Variants in FAM8A1 observed in about 807,000 individuals in gnomAD.
The protein encoded by FAM8A1 is family with sequence similarity 8 member A1.
In FAM8A1, 18 loss-of-function variants were observed where a neutral mutation model predicts 38.3. That is an observed-to-expected ratio of 0.47 (90% CI 0.33 to 0.70). FAM8A1 has a LOEUF of 0.70. Ranked by LOEUF, FAM8A1 falls within the 30% of genes least tolerant of loss-of-function variation. The pLI is 0.03. For missense variants in FAM8A1, 559 were observed against 559.6 expected (o/e 1.00, Z 0.01); for synonymous variants, 246 against 234.4 (o/e 1.05, Z -0.45).
Position 17,600,852 on chromosome 6 carries a change from C to T in FAM8A1, c.443C>T (p.Pro148Leu), listed in dbSNP as rs1332073942. ...GCCTACTGCAGCCCCCAGCCCTCCC[C>T]GCAGAGCTTCCCTTCGGGCGGCGCT... ...FPAYCSPQPS[P>L]QSFPSGGAAV... Residue 148 changes from proline to leucine, a missense_variant, in exon 1 of 5, where the codon CCG (proline) becomes CTG (leucine). This residue lies in a region of FAM8A1 where 393 missense variants were observed against 338.9 expected (regional missense o/e 1.16). Transcript: ENST00000259963. The T allele has an allele frequency of 2.5e-6, 4 of 1,609,440 alleles. No individual in the cohort carries two copies. The African/African-American group carries it at 5.3e-5, about 21-fold the overall frequency.
intron 1 of FAM8A1, among the ~76,000 whole-genome samples, chr6:17,601,653 G>A (rs1763987453): frequency 6.6e-6 from 1 of 152,178 alleles, no homozygotes; most frequent in African/African-American, 2.4e-5. Flanking sequence ...TTGCTTCTGT[G>A]TGTGAACTAG....
Position 17,602,585 on chromosome 6 carries a change from T to A in FAM8A1, c.713-5T>A. ...TCCTAACTTTTTTTTTTTTTTAATT[T>A]ACAGGCAGAGAATATGTTATTCCAT... On this transcript the variant is annotated splice_polypyrimidine_tract_variant and splice_region_variant and intron_variant, in intron 1 of 4. Transcript: ENST00000259963. 1 of 1,531,706 alleles carries A rather than the reference T, an allele frequency of 6.5e-7. No homozygotes were observed. The highest frequency in any genetic ancestry group is 8.7e-7 in the Non-Finnish European group (1 of 1,148,442). 94.9% of individuals were successfully genotyped at this position (1,531,706 alleles called of 1,614,324 possible). A position where few individuals can be genotyped will look rare whatever the true frequency, so the allele number is the denominator to read the frequency against.
rs778680931 is a variant in FAM8A1 at position 17,600,956 on chromosome 6, G to C, written c.547G>C (p.Ala183Pro). The C allele has an allele frequency of 6.3e-7, 1 of 1,592,402 alleles. No individual in the cohort carries two copies. Among genetic ancestry groups the C allele is most frequent in the Middle Eastern group, 1.8e-4 (1 of 5,530 alleles). Reference sequence around the variant, plus strand: ...CTTCTACTTCCTGAGCCCCGGGGCCGCGGGGCCTGACCCGCGGACAGCTGC... The same window carrying C: ...CTTCTACTTCCTGAGCCCCGGGGCCCCGGGGCCTGACCCGCGGACAGCTGC... ...NPFYFLSPGA[A>P]GPDPRTAAGI... The change falls in exon 1 of 5, where the codon GCG (alanine) becomes CCG (proline). Residue 183 changes from alanine to proline, a missense_variant. Physicochemically the swap from Ala to Pro is conservative, Grantham distance 27. Around this residue, in one of 2 missense-constraint regions of FAM8A1, gnomAD observed 393 missense variants for 338.9 expected, o/e 1.16. Transcript: ENST00000259963.
At chr6:17,606,643 A>G (rs1432228402) in intron 4 of FAM8A1, among the ~76,000 whole-genome samples, 1 of 152,088 alleles carries the variant, frequency 6.6e-6, no homozygotes, top group Non-Finnish European at 1.5e-5. Flanking sequence ...TTGAGTCTCC[A>G]TTTGGCCATG....
At chr6:17,607,274 C>G (rs2975157) in intron 4 of FAM8A1, among the ~76,000 whole-genome samples, 1 of 100,026 alleles carries the variant, frequency 1.0e-5, no homozygotes, top group East Asian at 2.2e-4. Flanking sequence ...AAAAAAAAAA[C>G]AAAACAAAAC....
Position 17,601,052 on chromosome 6 carries a change from G to C in FAM8A1, c.643G>C (p.Ala215Pro), listed in dbSNP as rs764212061. 8 of 1,595,850 alleles carry C rather than the reference G, an allele frequency of 5.0e-6. 1 individual carries two copies. The South Asian group carries it at 9.0e-5, about 18-fold the overall frequency. ...RAPHVQASVR[A>P]TPVTRVGSAA... Reference sequence around the variant, plus strand: ...TCCTCACGTGCAGGCGTCGGTCCGGGCCACTCCAGTGACGAGGGTAGGATC... The same window carrying C: ...TCCTCACGTGCAGGCGTCGGTCCGGCCCACTCCAGTGACGAGGGTAGGATC... The change falls in exon 1 of 5, where the codon GCC becomes CCC. Residue 215 changes from alanine to proline, a missense_variant. Around this residue, in one of 2 missense-constraint regions of FAM8A1, gnomAD observed 393 missense variants for 338.9 expected, o/e 1.16. Transcript: ENST00000259963.
At chr6:17,608,047 ACTATAC>A in intron 4 of FAM8A1, 142 bp from the exon 5 acceptor site, 1 of 856,732 alleles carries the variant, frequency 1.2e-6, no homozygotes, top group Non-Finnish European at 1.8e-6. Context: ...AATTCTCTCA[ACTATAC>A]CTTGAATGTC....
In FAM8A1 at chr6:17,609,996, T is replaced by TAATA. The variant is rs1415166891; in HGVS notation, c.*1659_*1662dup. 2.0e-5 allele frequency: 3 copies of TAATA among 152,172 alleles called. No homozygotes were observed. Among genetic ancestry groups the TAATA allele is most frequent in the African/African-American group, 7.2e-5 (3 of 41,448 alleles). 9.4% of individuals were successfully genotyped at this position (152,172 alleles called of 1,614,324 possible). On this transcript the variant is annotated 3_prime_UTR_variant, in exon 5 of 5. Coordinates refer to ENST00000259963, the MANE Select transcript of FAM8A1 (RefSeq NM_016255.3). The stretch of plus-strand genomic sequence containing the variant: ...GTCAAATCCAGCTTCCCAGAAACAC[T>TAATA]AATAATTAAGTACATCAATGTACTA...
rs776373035 is a variant in FAM8A1, at chr6:17,600,761, C to T, written c.352C>T (p.His118Tyr). The change falls in exon 1 of 5, where the codon CAC (histidine) becomes TAC (tyrosine). Residue 118 changes from histidine to tyrosine, a missense_variant. This residue lies in a region of FAM8A1 where 393 missense variants were observed against 338.9 expected (regional missense o/e 1.16). Transcript: ENST00000259963. ...LSAREYSRQVHEWLWQSYCGY... is the reference protein window; with the variant it reads ...LSAREYSRQVYEWLWQSYCGY... ...CGCCCGCGAGTACTCCCGGCAAGTG[C>T]ACGAGTGGCTGTGGCAGTCCTACTG... The T allele has an allele frequency of 6.2e-7, 1 of 1,610,988 alleles. No individual in the cohort carries two copies. The highest frequency in any genetic ancestry group is 2.2e-5 in the East Asian group (1 of 44,852).
In FAM8A1 at chr6:17,600,575, C is replaced by T. The variant is rs1763967194; in HGVS notation, c.166C>T (p.Pro56Ser). ...CCAGGCCCCGGGCCGGCCCACAGCC[C>T]CGGGCCTCGCGGCTGCCGCCGCAGC... is the stretch of plus-strand genomic sequence containing the variant. The part of the protein sequence containing the change: ...EPQAPGRPTA[P>S]GLAAAAAADK... Residue 56 changes from proline to serine, a missense_variant, in exon 1 of 5, where the codon CCG (proline) becomes TCG (serine). Around this residue, in one of 2 missense-constraint regions of FAM8A1, gnomAD observed 393 missense variants for 338.9 expected, o/e 1.16. Transcript: ENST00000259963. 1 of 1,495,560 alleles carries T rather than the reference C, an allele frequency of 6.7e-7. No homozygotes were observed. Among genetic ancestry groups the T allele is most frequent in the Admixed American group, 2.4e-5 (1 of 41,046 alleles). The allele number at this position is 1,495,560 out of a possible 1,614,324, so 92.6% of individuals were successfully genotyped here.
At position 17,600,522 on chromosome 6, in the gene FAM8A1, GCCCCCGCGACGA is replaced by G. The variant is rs1270236907; in HGVS notation, c.119_130del (p.Arg40_Pro43del). Reference sequence around the variant, plus strand: ...GGCCCTCCTACCACCGCCGTCCCATGCCCCCGCGACGACCCCCAGGCCGAACCCCAGGCCCCG... The same window carrying G: ...GGCCCTCCTACCACCGCCGTCCCATGCCCCCAGGCCGAACCCCAGGCCCCG... On this transcript the variant is annotated inframe_deletion, in exon 1 of 5. Coordinates refer to ENST00000259963, the MANE Select transcript of FAM8A1 (RefSeq NM_016255.3). The G allele has an allele frequency of 5.9e-6, 9 of 1,534,172 alleles. No homozygotes were observed. Among genetic ancestry groups the G allele is most frequent in the Non-Finnish European group, 7.9e-6 (9 of 1,145,030 alleles).
Position 17,600,997 on chromosome 6 carries a change from T to C in FAM8A1, c.588T>C (p.Pro196=). The C allele has an allele frequency of 6.3e-7, 1 of 1,590,114 alleles. No individual in the cohort carries two copies. The highest frequency in any genetic ancestry group is 8.5e-7 in the Non-Finnish European group (1 of 1,170,370). The stretch of plus-strand genomic sequence containing the variant: ...GGACAGCTGCCGGCATCAGCACCCC[T>C]GCTCCAGTCGCGGGCCTGGGACCCC... ...DPRTAAGIST[P]APVAGLGPRA... is the part of the protein sequence containing the mutation. Residue 196 remains proline (P), a synonymous_variant, in exon 1 of 5, where the codon CCT becomes CCC. Coordinates refer to ENST00000259963, the MANE Select transcript of FAM8A1 (RefSeq NM_016255.3).
In FAM8A1 at chr6:17,611,085, A is replaced by G. The variant is rs905188462; in HGVS notation, c.*2746A>G. ...TATTGCCCAACTGAACTTTGCTCCCACTGGTTTAATAGTTACTTATTTCTG... is the reference window on the plus strand; with the variant it reads ...TATTGCCCAACTGAACTTTGCTCCCGCTGGTTTAATAGTTACTTATTTCTG... On this transcript the variant is annotated 3_prime_UTR_variant, in exon 5 of 5. Transcript: ENST00000259963. 5.3e-5 allele frequency: 8 copies of G among 152,176 alleles called. No homozygotes were observed. The highest frequency in any genetic ancestry group is 1.9e-4 in the African/African-American group (8 of 41,444). The allele number at this position is 152,176 out of a possible 1,614,324, so 9.4% of individuals were successfully genotyped here. A position where few individuals can be genotyped will look rare whatever the true frequency, so the allele number is the denominator to read the frequency against.
Position 17,608,156 on chromosome 6 carries a change from A to C in FAM8A1, c.1098-39A>C, listed in dbSNP as rs753205395. 45 of 1,607,764 alleles carry C rather than the reference A, an allele frequency of 2.8e-5. 1 individual carries two copies. The South Asian group carries it at 4.7e-4, about 17-fold the overall frequency. ...ATACCATTAATCTATATGTGGTTTG[A>C]TGTGTAACTTACCTGATATTTTTGT... On this transcript the variant is annotated intron_variant, in intron 4 of 4. Coordinates refer to ENST00000259963, the MANE Select transcript of FAM8A1 (RefSeq NM_016255.3).
At position 17,611,302 on chromosome 6, in the gene FAM8A1, GA is replaced by G. The variant is rs1424244459; in HGVS notation, c.*2966del. 2.0e-5 allele frequency: 3 copies of G among 152,556 alleles called. No homozygotes were observed. The highest frequency in any genetic ancestry group is 7.2e-5 in the African/African-American group (3 of 41,424). The allele number at this position is 152,556 out of a possible 1,614,324, so 9.5% of individuals were successfully genotyped here. On this transcript the variant is annotated 3_prime_UTR_variant, in exon 5 of 5. Coordinates refer to ENST00000259963, the MANE Select transcript of FAM8A1 (RefSeq NM_016255.3). ...AAGTATTTCTAGCAAAGGAAGGGTA[GA>G]AAGGAATTGAAAATTAATTTACACT...
chr6:17,603,859 T>C (rs921434467), intron 2 of FAM8A1, among the ~76,000 whole-genome samples: 17 of 152,110 alleles, frequency 1.1e-4, no homozygotes, highest in African/African-American at 2.9e-4. Context: ...GTGCTGAGAT[T>C]ACAAGCATGA....
chr6:17,602,841 C>T, intron 2 of FAM8A1, 131 bp downstream of exon 2: 1 of 809,530 alleles, frequency 1.2e-6, no homozygotes, highest in Non-Finnish European at 1.8e-6. Context: ...TTTATAAGAG[C>T]TTTGTTAGAT....
intron 2 of FAM8A1, among the ~76,000 whole-genome samples, chr6:17,603,085 G>C (rs1406278392): frequency 2.0e-5 from 3 of 152,120 alleles, no homozygotes; most frequent in African/African-American, 7.2e-5. Context: ...AAGAGCTTTT[G>C]GTAGGTGAAT....
At position 17,603,928 on chromosome 6, in the gene FAM8A1, G is replaced by A. The variant is rs78770416; in HGVS notation, c.834-978G>A. On this transcript the variant is annotated intron_variant, in intron 2 of 4. Coordinates refer to ENST00000259963, the MANE Select transcript of FAM8A1 (RefSeq NM_016255.3). ...GCTTCTCCCTACTCCGATTACTGTC[G>A]TCTCTTGCTTGGATTATAGCAGAAG... Among the ~76,000 whole-genome samples, 333 of 151,720 alleles carry A rather than the reference G, an allele frequency of 2.2e-3. 1 individual carries two copies. Among genetic ancestry groups the A allele is most frequent in the Middle Eastern group, 6.8e-3 (2 of 292 alleles).
Sources: gnomAD v4.1 joint callset for allele counts (sites outside exome capture counted in the v4.1 genomes callset) on GRCh38, gnomAD v4.1.1 for gene constraint, gnomAD v4.1.1 regional missense constraint, MANE v1.5 for transcripts, NCBI Gene and HGNC (gene_info 2026-07-23, HGNC 2026-07-21) for gene names.